Variants in CBL observed in about 807,000 individuals in gnomAD.
The protein encoded by CBL is E3 ubiquitin-protein ligase CBL.
In CBL, 45 loss-of-function variants were observed where a neutral mutation model predicts 96.9. The ratio of observed to expected loss-of-function variants is 0.46; its 90% CI spans 0.37 to 0.60. The LOEUF is 0.60. CBL is among the 20% of genes least tolerant of loss of function. The pLI is 0.00. For synonymous variants in CBL, 420 were observed against 426.8 expected, an observed-to-expected ratio of 0.98 and a Z score of 0.20; for missense variants, 1,024 against 1,143.5, an observed-to-expected ratio of 0.90 and a Z score of 1.51.
chr11:119,217,147 C>T (rs1388664061), intron 1 of CBL, among the ~76,000 whole-genome samples: 2 of 152,158 alleles, frequency 1.3e-5, no homozygotes, highest in Non-Finnish European at 2.9e-5. Context: ...GACACAGTTT[C>T]ACTCTTGTTG....
At chr11:119,221,156 T>C (rs923388552) in intron 1 of CBL, among the ~76,000 whole-genome samples, 2 of 151,802 alleles carry the variant, frequency 1.3e-5, no homozygotes, top group Non-Finnish European at 2.9e-5. Context: ...AGGCAGAGAA[T>C]TGCTTGAACC....
At chr11:119,241,410 T>C (rs1356166165) in intron 2 of CBL, among the ~76,000 whole-genome samples, 1 of 152,196 alleles carries the variant, frequency 6.6e-6, no homozygotes, top group Non-Finnish European at 1.5e-5. Flanking sequence ...TTCTGCCTTC[T>C]TAGAGGTAGG....
At chr11:119,229,611 A>G (rs890801907) in intron 1 of CBL, among the ~76,000 whole-genome samples, 2 of 152,100 alleles carry the variant, frequency 1.3e-5, no homozygotes, top group South Asian at 2.1e-4. Flanking sequence ...TTTCTCAAAA[A>G]CAACAACAAC....
At position 119,271,753 on chromosome 11, in the gene CBL, G is replaced by A. The variant is rs2135297011; in HGVS notation, c.462G>A (p.Leu154=). The A allele has an allele frequency of 6.2e-7, 1 of 1,613,978 alleles. No individual in the cohort carries two copies. The change falls in exon 3 of 16, where the codon CTG becomes CTA. Residue 154 remains leucine (L), a synonymous_variant. Coordinates refer to ENST00000264033, the MANE Select transcript of CBL (RefSeq NM_005188.4). ...TTTGTAGGCGAAACCTAACCAAACT[G>A]TCCCTCATCTTCAGCCACATGCTGG... ...NSQPRRNLTK[L]SLIFSHMLAE...
intron 1 of CBL, among the ~76,000 whole-genome samples, chr11:119,217,897 C>T (rs989694664): frequency 2.0e-5 from 3 of 152,036 alleles, no homozygotes; most frequent in African/African-American, 7.2e-5. Flanking sequence ...GTAGTTAGAA[C>T]CCCATCTCTA....
At chr11:119,263,866 A>G (rs1378479509) in intron 2 of CBL, among the ~76,000 whole-genome samples, 1 of 152,196 alleles carries the variant, frequency 6.6e-6, no homozygotes, top group African/African-American at 2.4e-5. Flanking sequence ...TAGTGTTTGG[A>G]TATAAGGTTT....
Position 119,206,542 on chromosome 11 carries a change from A to T in CBL, c.125A>T (p.His42Leu), listed in dbSNP as rs730880433. 22 of 1,550,816 alleles carry T rather than the reference A, an allele frequency of 1.4e-5. No homozygotes were observed. The Admixed American group carries it at 4.3e-4, about 30-fold the overall frequency. The change falls in exon 1 of 16, where the codon CAC becomes CTC. Residue 42 changes from histidine to leucine, a missense_variant. Physicochemically the swap from His to Leu is moderately conservative, Grantham distance 99 (BLOSUM62 -3). Coordinates refer to ENST00000264033, the MANE Select transcript of CBL (RefSeq NM_005188.4). Reference sequence around the variant, plus strand: ...CAGCCGCACCACCACCACCACCACCACCTCAGCCCCCACCCGCCGGGGACG... The same window carrying T: ...CAGCCGCACCACCACCACCACCACCTCCTCAGCCCCCACCCGCCGGGGACG... ...AFQPHHHHHH[H>L]LSPHPPGTVD...
intron 2 of CBL, among the ~76,000 whole-genome samples, chr11:119,266,296 G>C (rs1232656140): frequency 2.6e-5 from 4 of 152,122 alleles, no homozygotes; most frequent in East Asian, 3.8e-4. Context: ...AGTAGTGACT[G>C]TACTGGTCAA....
chr11:119,273,788 C>T (rs553471813), intron 3 of CBL, 80 bp from the exon 4 acceptor site: 3 of 1,253,390 alleles, frequency 2.4e-6, no homozygotes, highest in South Asian at 1.2e-5. Flanking sequence ...ATGTGGCTCT[C>T]CTTCCTTTCC....
At chr11:119,298,304 G>A in intron 14 of CBL, 54 bp from the exon 15 acceptor site, 2 of 1,469,606 alleles carry the variant, frequency 1.4e-6, no homozygotes, top group East Asian at 4.5e-5. Flanking sequence ...GTATTGAAAT[G>A]TATTAGAAGA....
intron 9 of CBL, among the ~76,000 whole-genome samples, chr11:119,282,494 G>A (rs1949944412): frequency 6.6e-6 from 1 of 152,224 alleles, no homozygotes; most frequent in Non-Finnish European, 1.5e-5. Context: ...TTTAAAGAAT[G>A]ATACGGAAGT....
At chr11:119,228,522 C>T (rs1250706006) in intron 1 of CBL, among the ~76,000 whole-genome samples, 1 of 151,616 alleles carries the variant, frequency 6.6e-6, no homozygotes, top group Non-Finnish European at 1.5e-5. Flanking sequence ...AGAAGAATCA[C>T]TTGAACCTGG....
intron 12 of CBL, among the ~76,000 whole-genome samples, chr11:119,293,820 G>C (rs1950045905): frequency 6.6e-6 from 1 of 152,206 alleles, no homozygotes; most frequent in South Asian, 2.1e-4. Context: ...CATGGTGAGG[G>C]CCTTCCTGCT....
At chr11:119,279,669 G>C (rs558242490) in intron 9 of CBL, among the ~76,000 whole-genome samples, 2 of 152,204 alleles carry the variant, frequency 1.3e-5, no homozygotes, top group South Asian at 4.1e-4. Flanking sequence ...AATAGTAATT[G>C]TATACAATGT....
intron 2 of CBL, among the ~76,000 whole-genome samples, chr11:119,246,123 C>T (rs957623315): frequency 3.0e-4 from 45 of 149,612 alleles, no homozygotes; most frequent in East Asian, 4.0e-4. Flanking sequence ...TACAGGCGCG[C>T]GCCACCATGC....
At chr11:119,265,504 C>T (rs1230141212) in intron 2 of CBL, among the ~76,000 whole-genome samples, 2 of 152,100 alleles carry the variant, frequency 1.3e-5, no homozygotes, top group African/African-American at 2.4e-5. Context: ...AGAAAATATA[C>T]GTTAAAAAAT....
chr11:119,265,390 T>C (rs1188363528), intron 2 of CBL, among the ~76,000 whole-genome samples: 1 of 152,250 alleles, frequency 6.6e-6, no homozygotes, highest in Admixed American at 6.5e-5. Flanking sequence ...GAATAGATAA[T>C]ACTAGTTTAG....
chr11:119,258,292 A>C (rs1949726791), intron 2 of CBL, among the ~76,000 whole-genome samples: 1 of 152,160 alleles, frequency 6.6e-6, no homozygotes, highest in Non-Finnish European at 1.5e-5. Flanking sequence ...AAGAGATTTA[A>C]GTGGCTCATG....
intron 1 of CBL, among the ~76,000 whole-genome samples, chr11:119,219,770 G>T (rs562888007): frequency 6.6e-6 from 1 of 150,774 alleles, no homozygotes; most frequent in African/African-American, 2.4e-5. Context: ...TGCAACCTCT[G>T]CCTCCTGGGT....
Sources: allele counts gnomAD v4.1 joint callset (sites outside exome capture counted in the v4.1 genomes callset), GRCh38; gene constraint gnomAD v4.1.1; transcripts MANE v1.5; gene names NCBI Gene and HGNC (gene_info 2026-07-23, HGNC 2026-07-21).